The following LAMA4 variants were observed in gnomAD, a reference collection of about 807,000 sequenced individuals.
The protein encoded by LAMA4 is laminin subunit alpha 4.
In LAMA4, 127 loss-of-function variants were observed where a neutral mutation model predicts 207.1. That is an observed-to-expected ratio of 0.61 (90% CI 0.53 to 0.71). The LOEUF is 0.71. Among genes scored for constraint, LAMA4 ranks in the 30% least tolerant of loss-of-function variants. The pLI is 0.00. For missense variants in LAMA4, 2,093 were observed against 2,246.5 expected, an observed-to-expected ratio of 0.93 and a Z score of 1.38; for synonymous variants, 761 against 816.0, an observed-to-expected ratio of 0.93 and a Z score of 1.15.
intron 24 of LAMA4, 84 bp downstream of exon 24, chr6:112,139,036 A>C: frequency 7.5e-7 from 1 of 1,329,866 alleles, no homozygotes. Context: ...ATGACACACT[A>C]GACCTGGGAA....
At chr6:112,110,485 G>A (rs1777631738) in intron 38 of LAMA4, among the ~76,000 whole-genome samples, 1 of 152,074 alleles carries the variant, frequency 6.6e-6, no homozygotes, top group Non-Finnish European at 1.5e-5. Context: ...AGCAATGTAG[G>A]GTAAGAATAT....
intron 4 of LAMA4, among the ~76,000 whole-genome samples, chr6:112,203,130 A>G (rs1448637206): frequency 6.6e-6 from 1 of 152,186 alleles, no homozygotes; most frequent in Admixed American, 6.5e-5. Context: ...TTTGTTTCTC[A>G]TCAGCATTAA....
chr6:112,227,865 T>A (rs1785310403), intron 2 of LAMA4, among the ~76,000 whole-genome samples: 1 of 152,180 alleles, frequency 6.6e-6, no homozygotes, highest in African/African-American at 2.4e-5. Flanking sequence ...TAAAGCTACA[T>A]GTCCGAGGCT....
intron 2 of LAMA4, among the ~76,000 whole-genome samples, chr6:112,221,336 C>T (rs1301918453): frequency 6.6e-6 from 1 of 152,194 alleles, no homozygotes; most frequent in Non-Finnish European, 1.5e-5. Context: ...GATCTACGAA[C>T]ATATGACATA....
Position 112,122,059 on chromosome 6 carries a change from T to C in LAMA4, c.4430A>G (p.Asn1477Ser). The change falls in exon 32 of 39, where the codon AAC becomes AGC. Residue 1477 changes from asparagine (N) to serine (S), a missense_variant. By Grantham distance (46) the Asn-to-Ser change is conservative (BLOSUM62 1). This residue lies in a region of LAMA4 where 383 missense variants were observed against 437.8 expected (regional missense o/e 0.87). Coordinates refer to ENST00000230538, the MANE Select transcript of LAMA4 (RefSeq NM_001105206.3). ...EHAYQYGGTA[N>S]SRQEFEHLKG... is the part of the protein sequence containing the mutation. ...TAAGTGTTCAAACTCTTGGCGGCTGTTGGCTGTTCCTCCATATTGATAGGC... is the reference window on the plus strand; with the variant it reads ...TAAGTGTTCAAACTCTTGGCGGCTGCTGGCTGTTCCTCCATATTGATAGGC... The C allele has an allele frequency of 6.2e-7, 1 of 1,614,048 alleles. No homozygotes were observed. Among genetic ancestry groups the C allele is most frequent in the Non-Finnish European group, 8.5e-7 (1 of 1,179,948 alleles).
In LAMA4 at chr6:112,134,590, T is replaced by C. The variant is rs377528058; in HGVS notation, c.3434A>G (p.Asn1145Ser). 1.2e-6 allele frequency: 2 copies of C among 1,609,158 alleles called. No homozygotes were observed. Among genetic ancestry groups the C allele is most frequent in the East Asian group, 2.2e-5 (1 of 44,834 alleles). ...AACTACCAAGATCATTTTCTTATCATTGTGGTAAATGATTGAGATCTGGGA... is the reference window on the plus strand; with the variant it reads ...AACTACCAAGATCATTTTCTTATCACTGTGGTAAATGATTGAGATCTGGGA... ...KYHEISIIYH[N>S]DKKMILVVDR... is the part of the protein sequence containing the mutation. Residue 1145 changes from asparagine to serine, a missense_variant, in exon 26 of 39, where the codon AAT (asparagine) becomes AGT (serine). Coordinates refer to ENST00000230538, the MANE Select transcript of LAMA4 (RefSeq NM_001105206.3).
intron 5 of LAMA4, among the ~76,000 whole-genome samples, chr6:112,193,384 G>A (rs1486959413): frequency 2.0e-5 from 3 of 151,926 alleles, no homozygotes; most frequent in Non-Finnish European, 4.4e-5. Context: ...ACAAGCCCTG[G>A]CCAGTAATAA....
At chr6:112,241,341 TA>T (rs1786500789) in intron 2 of LAMA4, among the ~76,000 whole-genome samples, 1 of 151,272 alleles carries the variant, frequency 6.6e-6, no homozygotes, top group African/African-American at 2.4e-5. Context: ...CTCTATAACT[TA>T]AAAACAAGGC....
At chr6:112,218,638 T>C (rs1036173474) in intron 2 of LAMA4, 2 of 152,232 alleles carry the variant, frequency 1.3e-5, no homozygotes, top group Non-Finnish European at 2.9e-5. Context: ...CAAGATGAAA[T>C]CTTTGTGATG....
In LAMA4 at chr6:112,182,296, C is replaced by A. The variant is rs150393802; in HGVS notation, c.1077+2941G>T. ...AGTATTTGCAATACTATAACCTATG[C>A]ACATCCCCCTATATATATTATATCT... On this transcript the variant is annotated intron_variant, in intron 9 of 38. Transcript: ENST00000230538. Among the ~76,000 whole-genome samples, 1,442 of 152,150 alleles carry A rather than the reference C, an allele frequency of 9.5e-3. 26 individuals are homozygous for A. The highest frequency in any genetic ancestry group is 0.033 in the African/African-American group (1,375 of 41,494).
intron 31 of LAMA4, among the ~76,000 whole-genome samples, chr6:112,124,759 CTTTT>C (rs36097503): frequency 1.4e-5 from 2 of 140,484 alleles, no homozygotes; most frequent in African/African-American, 5.2e-5. Flanking sequence ...ATAGGGGTAT[CTTTT>C]TTTTTTTTTT....
chr6:112,215,316 C>A (rs1784566883), intron 3 of LAMA4, among the ~76,000 whole-genome samples: 1 of 152,154 alleles, frequency 6.6e-6, no homozygotes, highest in Non-Finnish European at 1.5e-5. Flanking sequence ...AATTCTCTGT[C>A]CCTAGAAAAA....
At position 112,159,121 on chromosome 6, in the gene LAMA4, G is replaced by A. The variant is rs1224711061; in HGVS notation, c.1669-241C>T. On this transcript the variant is annotated intron_variant, in intron 13 of 38. Transcript: ENST00000230538. ...AACCCAGAAATGCTCTACCATTTCA[G>A]ACCTAAAAACTAAAACTAAACTAAA... The A allele has an allele frequency of 6.1e-6, 3 of 490,844 alleles. No homozygotes were observed. In the Admixed American group the frequency reaches 1.0e-4, roughly 17 times the overall value. The allele number at this position is 490,844 out of a possible 1,614,324, so 30.4% of individuals were successfully genotyped here.
At chr6:112,190,976 C>T (rs1267040120) in intron 6 of LAMA4, among the ~76,000 whole-genome samples, 1 of 129,918 alleles carries the variant, frequency 7.7e-6, no homozygotes, top group Non-Finnish European at 1.6e-5. Context: ...TTCTTTCTTT[C>T]TTTCTTTCTT....
intron 12 of LAMA4, among the ~76,000 whole-genome samples, chr6:112,168,153 G>A (rs183462896): frequency 0.04 from 5,911 of 149,134 alleles, 401 homozygotes; most frequent in African/African-American, 0.14. Flanking sequence ...AGCTGAGATC[G>A]CGCCACTGCA....
At chr6:112,197,290 G>C (rs1783476895) in intron 5 of LAMA4, among the ~76,000 whole-genome samples, 1 of 152,144 alleles carries the variant, frequency 6.6e-6, no homozygotes, top group South Asian at 2.1e-4. Context: ...AAGACAGGTA[G>C]GGCCCAGAGC....
At position 112,108,466 on chromosome 6, in the gene LAMA4, G is replaced by C. The variant is rs1421144259; in HGVS notation, c.*971C>G. 1.3e-5 allele frequency among the ~76,000 whole-genome samples: 2 copies of C among 151,972 alleles called. No homozygotes were observed. The highest frequency in any genetic ancestry group is 2.9e-5 in the Non-Finnish European group (2 of 67,990). ...ATCTCACTCTGTTGCCCAGGCTGGAGTGCAGGTACAGTCAGCAGTCATAGC... is the reference window on the plus strand; with the variant it reads ...ATCTCACTCTGTTGCCCAGGCTGGACTGCAGGTACAGTCAGCAGTCATAGC... On this transcript the variant is annotated 3_prime_UTR_variant, in exon 39 of 39. Coordinates refer to ENST00000230538, the MANE Select transcript of LAMA4 (RefSeq NM_001105206.3).
chr6:112,177,877 T>G (rs1445442063), intron 10 of LAMA4, among the ~76,000 whole-genome samples: 1 of 152,202 alleles, frequency 6.6e-6, no homozygotes, highest in African/African-American at 2.4e-5. Flanking sequence ...GTGAAATGCC[T>G]AAAAAGGGAA....
At chr6:112,130,156 A>C in intron 29 of LAMA4, 116 bp from the exon 30 acceptor site, 1 of 859,080 alleles carries the variant, frequency 1.2e-6, no homozygotes, top group Middle Eastern at 2.4e-4. Flanking sequence ...TGGTTAATGA[A>C]AAGACAGCGA....
Sources: gnomAD v4.1 joint callset for allele counts (sites outside exome capture counted in the v4.1 genomes callset) on GRCh38, gnomAD v4.1.1 for gene constraint, gnomAD v4.1.1 regional missense constraint, MANE v1.5 for transcripts, NCBI Gene and HGNC (gene_info 2026-07-23, HGNC 2026-07-21) for gene names.